Variants in NLGN4X observed in about 807,000 individuals in gnomAD.
The protein encoded by NLGN4X is neuroligin-4, X-linked.
NLGN4X carries 3 observed loss-of-function variants against 40.3 expected under a neutral mutation model. That is an observed-to-expected ratio of 0.07 (90% confidence interval 0.03 to 0.19). The LOEUF is 0.19. Among genes scored for constraint, NLGN4X ranks in the 10% least tolerant of loss-of-function variants. NLGN4X has a pLI of 1.00. For missense variants in NLGN4X, 382 were observed against 708.3 expected (o/e 0.54, Z 5.23); for synonymous variants, 270 against 306.8 (o/e 0.88, Z 1.25).
chrX:6,029,649 C>G (rs1297041683), intron 2 of NLGN4X, among the ~76,000 whole-genome samples: 2 of 107,527 alleles, frequency 1.9e-5, no homozygotes, highest in Admixed American at 2.0e-4. Context: ...AAGAAGCATA[C>G]AGACATTTAG....
At chrX:6,176,109 T>A (rs5916321) in intron 1 of NLGN4X, among the ~76,000 whole-genome samples, 1 of 109,733 alleles carries the variant, frequency 9.1e-6, no homozygotes, top group Admixed American at 9.8e-5. Flanking sequence ...CCCACACTGC[T>A]GGCCAAAGGG....
chrX:6,116,306 A>C (rs1432732582), intron 2 of NLGN4X, among the ~76,000 whole-genome samples: 2 of 101,415 alleles, frequency 2.0e-5, no homozygotes, highest in East Asian at 3.0e-4. Context: ...AAAAAAAAAA[A>C]AAAAAAAAAA....
intron 3 of NLGN4X, among the ~76,000 whole-genome samples, chrX:5,976,290 G>A (rs2035175864): frequency 8.9e-6 from 1 of 112,062 alleles, no homozygotes; most frequent in Non-Finnish European, 1.9e-5. Flanking sequence ...AGTGAACAAA[G>A]GTCACCAAAT....
At chrX:5,967,296 G>A (rs1056735370) in intron 3 of NLGN4X, among the ~76,000 whole-genome samples, 16 of 111,869 alleles carry the variant, frequency 1.4e-4, no homozygotes, top group African/African-American at 3.6e-4. Context: ...GATGGTCAGC[G>A]CAACTCCCTT....
intron 3 of NLGN4X, among the ~76,000 whole-genome samples, chrX:5,918,625 C>T (rs2032905047): frequency 8.9e-6 from 1 of 112,359 alleles, no homozygotes; most frequent in South Asian, 3.7e-4. Flanking sequence ...TAACCAAACT[C>T]TCTGCCTCTT....
intron 2 of NLGN4X, among the ~76,000 whole-genome samples, chrX:6,044,313 T>C (rs1247014002): frequency 9.0e-6 from 1 of 110,667 alleles, no homozygotes; most frequent in Non-Finnish European, 1.9e-5. Context: ...CACTCATCTC[T>C]CTTTCAGTGT....
chrX:6,102,210 ATT>A (rs2038924708), intron 2 of NLGN4X, among the ~76,000 whole-genome samples: 1 of 111,911 alleles, frequency 8.9e-6, no homozygotes, highest in Non-Finnish European at 1.9e-5. Context: ...CTATGATATG[ATT>A]ATTATGCATT....
intron 1 of NLGN4X, among the ~76,000 whole-genome samples, chrX:6,156,647 G>A (rs1399608543): frequency 9.0e-6 from 1 of 111,725 alleles, no homozygotes; most frequent in Non-Finnish European, 1.9e-5. Context: ...TCACTTAGAA[G>A]TGGGAGCTAA....
At chrX:6,208,615 C>G (rs1377999113) in intron 1 of NLGN4X, among the ~76,000 whole-genome samples, 1 of 112,115 alleles carries the variant, frequency 8.9e-6, no homozygotes, top group Non-Finnish European at 1.9e-5. Flanking sequence ...CCATGTAAAA[C>G]TTGGAATAAG....
intron 3 of NLGN4X, among the ~76,000 whole-genome samples, chrX:6,023,687 C>T (rs767151116): frequency 8.9e-6 from 1 of 111,831 alleles, no homozygotes; most frequent in African/African-American, 3.3e-5. Flanking sequence ...TAATATCTGC[C>T]AGCCACATAG....
chrX:5,929,834 T>C (rs753506774), intron 3 of NLGN4X, among the ~76,000 whole-genome samples: 57 of 112,443 alleles, frequency 5.1e-4, no homozygotes, highest in Admixed American at 2.2e-3. Flanking sequence ...CAGGGAAACC[T>C]GTGGATTTTT....
chrX:6,088,107 G>A (rs1256870148), intron 2 of NLGN4X, among the ~76,000 whole-genome samples: 9 of 112,552 alleles, frequency 8.0e-5, no homozygotes, highest in Non-Finnish European at 1.7e-4. Context: ...CCACAAAAGG[G>A]AAAAGGCGGA....
At chrX:5,949,969 G>A (rs1170543464) in intron 3 of NLGN4X, among the ~76,000 whole-genome samples, 1 of 111,896 alleles carries the variant, frequency 8.9e-6, no homozygotes, top group Non-Finnish European at 1.9e-5. Context: ...GCAAATGAAG[G>A]GAAGATGGCA....
At chrX:6,214,494 C>T (rs184274191) in intron 1 of NLGN4X, among the ~76,000 whole-genome samples, 5 of 111,628 alleles carry the variant, frequency 4.5e-5, no homozygotes, top group African/African-American at 1.3e-4. Flanking sequence ...TGCCTCTAGG[C>T]CCTTTTGTTT....
chrX:6,218,387 G>T (rs1218020553), intron 1 of NLGN4X, among the ~76,000 whole-genome samples: 1 of 110,588 alleles, frequency 9.0e-6, no homozygotes, highest in African/African-American at 3.3e-5. Context: ...TGATGATTTT[G>T]CCCTTAACTA....
At chrX:5,950,749 T>C (rs1246590523) in intron 3 of NLGN4X, among the ~76,000 whole-genome samples, 2 of 112,123 alleles carry the variant, frequency 1.8e-5, no homozygotes, top group Non-Finnish European at 3.8e-5. Flanking sequence ...CAAGTTCTAG[T>C]GTTCAATCAC....
At chrX:5,979,784 G>A (rs1324986830) in intron 3 of NLGN4X, among the ~76,000 whole-genome samples, 1 of 98,309 alleles carries the variant, frequency 1.0e-5, no homozygotes, top group Non-Finnish European at 2.0e-5. Context: ...ACATATATAT[G>A]TGTATATATA....
intron 2 of NLGN4X, chrX:6,032,854 A>G (rs1490928019): frequency 2.2e-6 from 1 of 453,835 alleles, no homozygotes; most frequent in East Asian, 4.1e-5. Flanking sequence ...AGAAAAAGAA[A>G]AAAAGAAAAG....
chrX:6,122,101 G>A (rs2039437496), intron 2 of NLGN4X, among the ~76,000 whole-genome samples: 1 of 112,229 alleles, frequency 8.9e-6, no homozygotes. Flanking sequence ...GGATGGAAGT[G>A]ATAGGGAGGG....
Sources: allele counts gnomAD v4.1 joint callset (sites outside exome capture counted in the v4.1 genomes callset), GRCh38; gene constraint gnomAD v4.1.1; transcripts MANE v1.5; gene names NCBI Gene and HGNC (gene_info 2026-07-23, HGNC 2026-07-21).